The following SDK1 variants were observed in gnomAD, a reference collection of about 807,000 sequenced individuals.
The protein encoded by SDK1 is protein sidekick-1.
A neutral mutation model predicts 245.5 loss-of-function variants in SDK1; 157 were observed. That is an observed-to-expected ratio of 0.64 (90% CI 0.56 to 0.73). SDK1 has a LOEUF of 0.73. Ranked by LOEUF, SDK1 falls within the 30% of genes least tolerant of loss-of-function variation. The pLI is 0.00. For synonymous variants in SDK1, 1,647 were observed against 1,278.5 expected, an observed-to-expected ratio of 1.29 and a Z score of -6.15; for missense variants, 3,583 against 3,002.3, an observed-to-expected ratio of 1.19 and a Z score of -4.52.
At chr7:4,068,804 C>T (rs6948062) in intron 20 of SDK1, among the ~76,000 whole-genome samples, 5,191 of 152,030 alleles carry the variant, frequency 0.034, 307 homozygotes, top group African/African-American at 0.12. Flanking sequence ...TCACTGCAAC[C>T]TCCACCTCCC....
At chr7:3,324,724 A>G (rs1030044679) in intron 1 of SDK1, among the ~76,000 whole-genome samples, 1 of 152,190 alleles carries the variant, frequency 6.6e-6, no homozygotes, top group African/African-American at 2.4e-5. Flanking sequence ...AAGTCATCCT[A>G]ATGGGTTCAA....
chr7:3,703,390 T>G (rs1784792620), intron 4 of SDK1, among the ~76,000 whole-genome samples: 1 of 152,200 alleles, frequency 6.6e-6, no homozygotes, highest in Admixed American at 6.5e-5. Flanking sequence ...ATGATTACAT[T>G]TATGTAACAT....
chr7:3,531,691 G>A (rs776578337), intron 1 of SDK1, among the ~76,000 whole-genome samples: 5 of 151,952 alleles, frequency 3.3e-5, no homozygotes, highest in Non-Finnish European at 5.9e-5. Flanking sequence ...TATTTTTGTC[G>A]CCTCACCTAG....
rs141974307 is a variant in SDK1 at position 3,800,107 on chromosome 7, G to A, written c.714-21343G>A. On this transcript the variant is annotated intron_variant, in intron 4 of 44. Transcript: ENST00000404826. The stretch of plus-strand genomic sequence containing the variant: ...GTGGGTTTGGCTCTCAGTCTCCAAC[G>A]TTTCTGTTGGGCAGGATTTGCATTT... Among the ~76,000 whole-genome samples the A allele has an allele frequency of 1.3e-3, 193 of 152,196 alleles. 2 individuals are homozygous for A. The highest frequency in any genetic ancestry group is 4.4e-3 in the African/African-American group (181 of 41,504).
intron 1 of SDK1, among the ~76,000 whole-genome samples, chr7:3,416,006 T>C (rs561741546): frequency 1.3e-5 from 2 of 152,304 alleles, no homozygotes; most frequent in Admixed American, 6.5e-5. Flanking sequence ...AGCAGTTCCA[T>C]ATGACACGAC....
At chr7:3,602,092 G>A (rs971597822) in intron 1 of SDK1, among the ~76,000 whole-genome samples, 1 of 151,940 alleles carries the variant, frequency 6.6e-6, no homozygotes, top group African/African-American at 2.4e-5. Context: ...GGACATTTAG[G>A]TTGGTTCCAA....
Position 3,319,413 on chromosome 7 carries a change from A to C in SDK1, c.298+17529A>C, listed in dbSNP as rs570418171. On this transcript the variant is annotated intron_variant, in intron 1 of 44. Coordinates refer to ENST00000404826, the MANE Select transcript of SDK1 (RefSeq NM_152744.4). ...TGGGGGCTTAGACCGGTGGCCCTCAAGGTATTAATTCCTTATCAGTGTGTT... is the reference window on the plus strand; with the variant it reads ...TGGGGGCTTAGACCGGTGGCCCTCACGGTATTAATTCCTTATCAGTGTGTT... 2.6e-5 allele frequency among the ~76,000 whole-genome samples: 4 copies of C among 152,216 alleles called. No individual in the cohort carries two copies. The East Asian group carries it at 7.7e-4, about 29-fold the overall frequency.
intron 1 of SDK1, among the ~76,000 whole-genome samples, chr7:3,430,552 A>G (rs1350677543): frequency 1.3e-5 from 2 of 152,092 alleles, no homozygotes; most frequent in Admixed American, 6.6e-5. Flanking sequence ...CTTTCTGATG[A>G]CTGTCTTTCT....
At chr7:3,499,512 C>T (rs764257435) in intron 1 of SDK1, among the ~76,000 whole-genome samples, 9 of 152,206 alleles carry the variant, frequency 5.9e-5, no homozygotes, top group Non-Finnish European at 1.3e-4. Flanking sequence ...GTGTTCCTCT[C>T]TCATTGTTTC....
intron 24 of SDK1, 110 bp from the exon 25 acceptor site, chr7:4,113,927 G>A: frequency 1.3e-6 from 1 of 777,304 alleles, no homozygotes; most frequent in Non-Finnish European, 2.1e-6. Flanking sequence ...ATTTCCCCCA[G>A]GAACACCTCC....
chr7:4,110,107 G>C (rs1001290373), intron 22 of SDK1, among the ~76,000 whole-genome samples: 1 of 152,156 alleles, frequency 6.6e-6, no homozygotes, highest in African/African-American at 2.4e-5. Flanking sequence ...TGCCGATCTG[G>C]CTTCCAGGGC....
At chr7:3,413,199 G>A (rs1451712259) in intron 1 of SDK1, among the ~76,000 whole-genome samples, 3 of 152,112 alleles carry the variant, frequency 2.0e-5, no homozygotes, top group South Asian at 2.1e-4. Flanking sequence ...CAACAACTGC[G>A]AAGATCTTGA....
At chr7:3,375,603 T>A (rs1781334674) in intron 1 of SDK1, among the ~76,000 whole-genome samples, 1 of 152,188 alleles carries the variant, frequency 6.6e-6, no homozygotes, top group African/African-American at 2.4e-5. Flanking sequence ...CTTGCATCAT[T>A]TGCTCTTGGG....
chr7:3,552,428 C>G (rs1169359886), intron 1 of SDK1, among the ~76,000 whole-genome samples: 1 of 152,206 alleles, frequency 6.6e-6, no homozygotes, highest in Non-Finnish European at 1.5e-5. Context: ...CACTCAGCCA[C>G]TCTTTTTGCC....
chr7:3,593,136 G>T (rs116873787), intron 1 of SDK1, among the ~76,000 whole-genome samples: 1 of 152,204 alleles, frequency 6.6e-6, no homozygotes, highest in Non-Finnish European at 1.5e-5. Flanking sequence ...TAGTGTGTTA[G>T]GTACTATTTG....
At chr7:3,924,908 C>A (rs1779715520) in intron 5 of SDK1, among the ~76,000 whole-genome samples, 1 of 152,170 alleles carries the variant, frequency 6.6e-6, no homozygotes, top group Non-Finnish European at 1.5e-5. Context: ...AGCCTGGGGT[C>A]TGCCTTCCTA....
chr7:4,221,743 A>C (rs1432579113), intron 40 of SDK1, among the ~76,000 whole-genome samples: 1 of 152,206 alleles, frequency 6.6e-6, no homozygotes, highest in African/African-American at 2.4e-5. Flanking sequence ...CCGAGATGGA[A>C]AACGTCAGGC....
chr7:4,184,350 C>G (rs1782760564), intron 35 of SDK1, among the ~76,000 whole-genome samples: 1 of 152,220 alleles, frequency 6.6e-6, no homozygotes, highest in African/African-American at 2.4e-5. Flanking sequence ...CACTTAACCC[C>G]TCTGAGTCTG....
chr7:3,744,288 CT>C (rs1209590759), intron 4 of SDK1, among the ~76,000 whole-genome samples: 1 of 152,074 alleles, frequency 6.6e-6, no homozygotes, highest in African/African-American at 2.4e-5. Flanking sequence ...CTTTGACTTT[CT>C]GCATAGCACG....
Sources: allele counts gnomAD v4.1 joint callset (sites outside exome capture counted in the v4.1 genomes callset), GRCh38; gene constraint gnomAD v4.1.1; transcripts MANE v1.5; gene names NCBI Gene and HGNC (gene_info 2026-07-23, HGNC 2026-07-21).